The following REPS2 variants were observed in gnomAD, a reference collection of about 807,000 sequenced individuals.
REPS2 encodes the protein RALBP1 associated Eps domain containing 2, also known as ralBP1-associated Eps domain-containing protein 2.
In REPS2, 23 loss-of-function variants were observed where a neutral mutation model predicts 53.6. The ratio of observed to expected loss-of-function variants is 0.43; its 90% CI spans 0.31 to 0.61. The LOEUF (loss-of-function observed/expected upper bound fraction) is 0.61, where lower values mean the gene tolerates loss of function less well. Among genes scored for constraint, REPS2 ranks in the 20% least tolerant of loss-of-function variants. REPS2 has a pLI of 0.11. For synonymous variants in REPS2, 238 were observed against 218.6 expected (o/e 1.09, Z -0.78); for missense variants, 446 against 534.9 (o/e 0.83, Z 1.64).
rs2060429711 is a variant in REPS2 at position 16,946,668 on chromosome X, CCCGGGGGTGGGGCCGGCGCGCG to C, written c.-188_-167del. The C allele has an allele frequency of 1.3e-5, 4 of 298,494 alleles. No individual in the cohort carries two copies. The highest frequency in any genetic ancestry group is 1.8e-5 in the Non-Finnish European group (4 of 224,762). The allele number at this position is 298,494 out of a possible 1,213,427, so 24.6% of individuals were successfully genotyped here. A position where few individuals can be genotyped will look rare whatever the true frequency, so the allele number is the denominator to read the frequency against. ...GCGCAGCTGAGGCACAACATTCAAG[CCCGGGGGTGGGGCCGGCGCGCG>C]CCGGGAGGAAGCGGCCGCGCGGCAG... On this transcript the variant is annotated 5_prime_UTR_variant, in exon 1 of 18. Transcript: ENST00000357277.
intron 12 of REPS2, among the ~76,000 whole-genome samples, chrX:17,075,523 T>A (rs1243950019): frequency 8.9e-6 from 1 of 112,450 alleles, no homozygotes; most frequent in East Asian, 2.8e-4. Context: ...TCCTCCTTTT[T>A]GAAATAATAA....
At chrX:17,051,515 C>A (rs2062003213) in intron 6 of REPS2, among the ~76,000 whole-genome samples, 1 of 111,792 alleles carries the variant, frequency 8.9e-6, no homozygotes, top group African/African-American at 3.3e-5. Context: ...TTGTATGTAC[C>A]AGAATTTCAT....
the REPS2 span, among the ~76,000 whole-genome samples, chrX:17,165,116 C>T: frequency 9.0e-6 from 1 of 111,448 alleles, no homozygotes; most frequent in Non-Finnish European, 1.9e-5. Context: ...ATACACTTGT[C>T]ATTATTTTCA....
chrX:17,092,266 A>G (rs112451234), intron 13 of REPS2, among the ~76,000 whole-genome samples: 2,847 of 112,129 alleles, frequency 0.025, 91 homozygotes, highest in African/African-American at 0.088. Context: ...TATGAATAAC[A>G]TTTTACCTAG....
rs768654479 is a variant in REPS2 at position 17,052,422 on chromosome X, C to T, written c.948C>T (p.Ser316=). 8.3e-7 allele frequency: 1 copy of T among 1,203,226 alleles called. No homozygotes were observed. Among genetic ancestry groups the T allele is most frequent in the South Asian group, 1.8e-5 (1 of 55,634 alleles). The change falls in exon 7 of 18, where the codon TCC becomes TCT. Residue 316 remains serine, a synonymous_variant. Transcript: ENST00000357277. ...AKNFFTKSKL[S]IPELSYIWEL... is the part of the protein sequence containing the mutation. ...ACTTCTTCACCAAATCAAAGCTTTC[C>T]ATTCCAGAACTCTCCTATATATGGT... is the stretch of plus-strand genomic sequence containing the variant.
intron 5 of REPS2, among the ~76,000 whole-genome samples, chrX:17,041,834 A>C (rs73189114): frequency 0.019 from 2,086 of 112,232 alleles, 22 homozygotes; most frequent in Non-Finnish European, 0.028. Flanking sequence ...AGTTCTCTCC[A>C]ACAATGCTTC....
intron 2 of REPS2, among the ~76,000 whole-genome samples, chrX:17,010,166 G>T (rs1348451786): frequency 1.8e-5 from 2 of 112,027 alleles, no homozygotes; most frequent in East Asian, 5.6e-4. Context: ...AGAAAGTATA[G>T]AGAGTCAGAT....
At chrX:17,115,125 AG>A (rs1333669847) in intron 14 of REPS2, among the ~76,000 whole-genome samples, 1 of 112,263 alleles carries the variant, frequency 8.9e-6, no homozygotes, top group Non-Finnish European at 1.9e-5. Flanking sequence ...AAGGGGGCCC[AG>A]GGGACCAGCG....
intron 2 of REPS2, among the ~76,000 whole-genome samples, chrX:17,008,743 C>T (rs2061391579): frequency 9.0e-6 from 1 of 111,589 alleles, no homozygotes; most frequent in Non-Finnish European, 1.9e-5. Context: ...TCTTGAAGGC[C>T]AAAGGGATCA....
chrX:17,176,149 G>A, the REPS2 span, among the ~76,000 whole-genome samples: 1 of 111,426 alleles, frequency 9.0e-6, no homozygotes, highest in African/African-American at 3.3e-5. Context: ...GATGGGTACA[G>A]GGTGTAAACT....
At chrX:17,102,280 C>G (rs942818474) in intron 13 of REPS2, among the ~76,000 whole-genome samples, 2 of 110,980 alleles carry the variant, frequency 1.8e-5, no homozygotes, top group African/African-American at 6.6e-5. Flanking sequence ...AGGGGTTTAT[C>G]CATGTTGCCT....
chrX:16,955,958 A>G (rs1191300610), intron 1 of REPS2, among the ~76,000 whole-genome samples: 2 of 112,371 alleles, frequency 1.8e-5, no homozygotes, highest in Non-Finnish European at 3.8e-5. Context: ...TTTAAGAAAC[A>G]TTTTCATGCG....
chrX:17,006,318 C>T lies in REPS2; in HGVS notation c.371C>T (p.Pro124Leu), dbSNP rs764582140. Residue 124 changes from proline to leucine, a missense_variant, in exon 2 of 18, where the codon CCG becomes CTG. Physicochemically the swap from Pro to Leu is moderately conservative, Grantham distance 98. Transcript: ENST00000357277. ...ATTGCTGCAGCACAATCTGGCCTCC[C>T]GGTACGGATAGAGAGTATTAAATGT... ...KLIAAAQSGLPVRIESIKCEL... is the reference protein window; with the variant it reads ...KLIAAAQSGLLVRIESIKCEL... 6.6e-6 allele frequency: 8 copies of T among 1,207,997 alleles called. No homozygotes were observed. Among genetic ancestry groups the T allele is most frequent in the African/African-American group, 3.5e-5 (2 of 57,049 alleles).
At chrX:16,976,706 T>C (rs767437607) in intron 1 of REPS2, among the ~76,000 whole-genome samples, 37 of 111,776 alleles carry the variant, frequency 3.3e-4, no homozygotes, top group African/African-American at 1.2e-3. Context: ...CTACTGCCAA[T>C]CATTCCTCTG....
At chrX:17,051,841 A>T (rs1431358245) in intron 6 of REPS2, among the ~76,000 whole-genome samples, 1 of 112,014 alleles carries the variant, frequency 8.9e-6, no homozygotes, top group African/African-American at 3.2e-5. Context: ...GCCTGATTTC[A>T]GTTGATACAG....
chrX:17,170,950 C>T, the REPS2 span, among the ~76,000 whole-genome samples: 6 of 113,040 alleles, frequency 5.3e-5, no homozygotes, highest in Non-Finnish European at 1.1e-4. Flanking sequence ...CTCTGCCAGA[C>T]TCCAAAGGCC....
Position 17,148,674 on chromosome X carries a change from T to C in REPS2, c.*1193T>C. The C allele has an allele frequency of 5.4e-6, 1 of 184,796 alleles. No individual in the cohort carries two copies. Among genetic ancestry groups the C allele is most frequent in the South Asian group, 8.5e-5 (1 of 11,704 alleles). 15.2% of individuals were successfully genotyped at this position (184,796 alleles called of 1,213,427 possible). A position where few individuals can be genotyped will look rare whatever the true frequency, so the allele number is the denominator to read the frequency against. ...AGTAAGCTCAAATTGCAGAAGCCAG[T>C]ATCCTACAGAAATTTAAGTAGCTAC... On this transcript the variant is annotated 3_prime_UTR_variant, in exon 18 of 18. Transcript: ENST00000357277.
intron 14 of REPS2, among the ~76,000 whole-genome samples, chrX:17,106,536 C>T (rs767289320): frequency 9.2e-6 from 1 of 109,004 alleles, no homozygotes; most frequent in African/African-American, 3.3e-5. Flanking sequence ...GTCTCAGCCT[C>T]CCGAGTAGCT....
chrX:17,017,787 A>G (rs1270334657), intron 2 of REPS2, among the ~76,000 whole-genome samples: 3 of 112,201 alleles, frequency 2.7e-5, no homozygotes, highest in Non-Finnish European at 5.6e-5. Flanking sequence ...CTGTTTCAGT[A>G]TGGTAGCCAG....
Sources: allele counts gnomAD v4.1 joint callset (sites outside exome capture counted in the v4.1 genomes callset), GRCh38; gene constraint gnomAD v4.1.1; transcripts MANE v1.5; gene names NCBI Gene and HGNC (gene_info 2026-07-23, HGNC 2026-07-21).